AP1S3: variants seen among roughly 807,000 people sequenced by gnomAD.
The protein encoded by AP1S3 is AP-1 complex subunit sigma-3.
In AP1S3, 10 loss-of-function variants were observed where a neutral mutation model predicts 20.9. The observed-to-expected ratio is 0.48, with a 90% confidence interval of 0.29 to 0.81. The LOEUF is 0.81. Ranked by LOEUF, AP1S3 falls within the 30% of genes least tolerant of loss-of-function variation. AP1S3 has a pLI of 0.08. For missense variants in AP1S3, 154 were observed against 183.8 expected (o/e 0.84, Z 0.94); for synonymous variants, 41 against 61.5 (o/e 0.67, Z 1.56).
chr2:223,828,286 CCTCT>C (rs1692180409), intron 1 of AP1S3, among the ~76,000 whole-genome samples: 2 of 148,450 alleles, frequency 1.3e-5, no homozygotes, highest in Non-Finnish European at 3.0e-5. Context: ...ACCACATTCT[CCTCT>C]CTCTCTTTTT....
At chr2:223,834,827 C>G (rs899549030) in intron 1 of AP1S3, among the ~76,000 whole-genome samples, 1 of 151,266 alleles carries the variant, frequency 6.6e-6, no homozygotes, top group African/African-American at 2.4e-5. Context: ...TTTTTATGAC[C>G]AATAACAATA....
At chr2:223,795,993 C>G (rs145747759) in intron 1 of AP1S3, among the ~76,000 whole-genome samples, 1 of 151,940 alleles carries the variant, frequency 6.6e-6, no homozygotes. Flanking sequence ...GCCAACATGG[C>G]GAAAGCCCTT....
At chr2:223,772,015 G>A (rs1397435971) in intron 3 of AP1S3, among the ~76,000 whole-genome samples, 1 of 152,182 alleles carries the variant, frequency 6.6e-6, no homozygotes, top group Non-Finnish European at 1.5e-5. Flanking sequence ...GCTGAGGTAG[G>A]AGAATCGCTT....
chr2:223,789,813 C>T (rs534981163), intron 1 of AP1S3, among the ~76,000 whole-genome samples: 3 of 140,014 alleles, frequency 2.1e-5, no homozygotes, highest in East Asian at 2.1e-4. Flanking sequence ...ACTCCAGCCT[C>T]GGTGATAGTA....
chr2:223,776,706 C>T (rs1690792857), intron 2 of AP1S3, among the ~76,000 whole-genome samples: 1 of 152,146 alleles, frequency 6.6e-6, no homozygotes, highest in Admixed American at 6.6e-5. Context: ...TGTTACCTCT[C>T]AGGCTTAGTT....
At chr2:223,758,790 G>T (rs745636981) in intron 4 of AP1S3, 40 bp from the exon 5 acceptor site, 2 of 1,557,958 alleles carry the variant, frequency 1.3e-6, no homozygotes, top group Non-Finnish European at 8.8e-7. Flanking sequence ...TTCCCTTTAA[G>T]TCACAGCCTT....
At chr2:223,817,149 G>A (rs183795273) in intron 1 of AP1S3, among the ~76,000 whole-genome samples, 127 of 152,146 alleles carry the variant, frequency 8.3e-4, no homozygotes, top group African/African-American at 3.0e-3. Flanking sequence ...ATAGCCTGTA[G>A]GCAATAAAAT....
intron 1 of AP1S3, among the ~76,000 whole-genome samples, chr2:223,796,602 C>A (rs148256072): frequency 1.3e-5 from 2 of 152,074 alleles, no homozygotes; most frequent in Admixed American, 6.6e-5. Context: ...ATTCAAGTTC[C>A]CTGTAAGGTG....
chr2:223,810,744 A>G (rs1341022780), intron 1 of AP1S3, among the ~76,000 whole-genome samples: 1 of 152,226 alleles, frequency 6.6e-6, no homozygotes, highest in African/African-American at 2.4e-5. Context: ...CACTTCAAAA[A>G]AAAAATACTA....
chr2:223,765,563 T>C (rs1292781689), intron 3 of AP1S3, among the ~76,000 whole-genome samples: 2 of 152,166 alleles, frequency 1.3e-5, no homozygotes, highest in African/African-American at 4.8e-5. Context: ...CATCCTTAGA[T>C]AATAATGTTT....
chr2:223,799,994 C>G (rs1278788834), intron 1 of AP1S3, among the ~76,000 whole-genome samples: 2 of 152,072 alleles, frequency 1.3e-5, no homozygotes, highest in Non-Finnish European at 2.9e-5. Flanking sequence ...GAGGGCGGAT[C>G]ACTTGAGGTC....
At chr2:223,798,429 A>G (rs539548086) in intron 1 of AP1S3, among the ~76,000 whole-genome samples, 4 of 152,276 alleles carry the variant, frequency 2.6e-5, no homozygotes, top group African/African-American at 7.2e-5. Context: ...CAATAAGGGG[A>G]AAAAAATGGA....
At chr2:223,770,726 C>CATTT (rs1690604119) in intron 3 of AP1S3, among the ~76,000 whole-genome samples, 1 of 76,630 alleles carries the variant, frequency 1.3e-5, no homozygotes. Flanking sequence ...TAGACCAGTT[C>CATTT]ATTTTTTTTT....
chr2:223,814,765 A>T (rs1363353461), intron 1 of AP1S3, among the ~76,000 whole-genome samples: 1 of 152,030 alleles, frequency 6.6e-6, no homozygotes, highest in Non-Finnish European at 1.5e-5. Flanking sequence ...AAGAACTAAG[A>T]CTCAATGTTT....
At chr2:223,822,925 G>T (rs76847975) in intron 1 of AP1S3, among the ~76,000 whole-genome samples, 2,436 of 151,772 alleles carry the variant, frequency 0.016, 58 homozygotes, top group African/African-American at 0.055. Context: ...AATGGGCAAA[G>T]AACCTACATA....
intron 1 of AP1S3, among the ~76,000 whole-genome samples, chr2:223,825,723 G>A (rs188079807): frequency 1.3e-5 from 2 of 152,076 alleles, no homozygotes; most frequent in African/African-American, 2.4e-5. Flanking sequence ...CTGCAGTTAA[G>A]AACACAAAGA....
At chr2:223,791,782 C>A (rs184663644) in intron 1 of AP1S3, among the ~76,000 whole-genome samples, 1 of 152,268 alleles carries the variant, frequency 6.6e-6, no homozygotes, top group East Asian at 1.9e-4. Context: ...TCTAGAAAAT[C>A]TTATCATCTC....
At chr2:223,779,839 T>C (rs1690879584) in intron 1 of AP1S3, among the ~76,000 whole-genome samples, 1 of 151,984 alleles carries the variant, frequency 6.6e-6, no homozygotes, top group African/African-American at 2.4e-5. Flanking sequence ...TGGTGGTGCA[T>C]GCTTGTAGTC....
intron 1 of AP1S3, among the ~76,000 whole-genome samples, chr2:223,796,117 G>C (rs1360963890): frequency 6.6e-6 from 1 of 152,156 alleles, no homozygotes; most frequent in Non-Finnish European, 1.5e-5. Flanking sequence ...AGGATGCAGT[G>C]AGCCAAGATC....
Sources: gnomAD v4.1 joint callset for allele counts (sites outside exome capture counted in the v4.1 genomes callset) on GRCh38, gnomAD v4.1.1 for gene constraint, MANE v1.5 for transcripts, NCBI Gene and HGNC (gene_info 2026-07-23, HGNC 2026-07-21) for gene names.